KIAA0825: variants seen among roughly 807,000 people sequenced by gnomAD.
KIAA0825 encodes the protein KIAA0825.
In KIAA0825, 119 loss-of-function variants were observed where a neutral mutation model predicts 147.6. The ratio of observed to expected loss-of-function variants is 0.81; its 90% CI spans 0.69 to 0.94. The LOEUF (loss-of-function observed/expected upper bound fraction) is 0.94. Ranked by LOEUF, KIAA0825 falls within the 40% of genes least tolerant of loss-of-function variation. KIAA0825 has a pLI of 0.00. For missense variants in KIAA0825, 1,381 were observed against 1,472.7 expected (o/e 0.94, Z 1.02); for synonymous variants, 470 against 518.1 (o/e 0.91, Z 1.26).
intron 20 of KIAA0825, among the ~76,000 whole-genome samples, chr5:94,249,269 ATATTG>A (rs1336133610): frequency 6.6e-6 from 1 of 152,118 alleles, no homozygotes; most frequent in Non-Finnish European, 1.5e-5. Flanking sequence ...AAAAATGGCT[ATATTG>A]TAAAGTGCAA....
In KIAA0825 at chr5:94,520,793, G is replaced by A. The variant is rs1399710429; in HGVS notation, c.425C>T (p.Ser142Phe). The change falls in exon 5 of 21, where the codon TCT becomes TTT. Residue 142 changes from serine to phenylalanine, a missense_variant. Coordinates refer to ENST00000682413, the MANE Select transcript of KIAA0825 (RefSeq NM_001145678.3). ...TLSGTSFHFL[S>F]RTSLHSVEDN... ...TTCAACAGAATGAAGAGACGTCCTA[G>A]AGAGGAAATGGAAAGATGTTCCACT... 11 of 1,613,110 alleles carry A rather than the reference G, an allele frequency of 6.8e-6. No individual in the cohort carries two copies. Among genetic ancestry groups the A allele is most frequent in the African/African-American group, 1.3e-5 (1 of 74,898 alleles).
At chr5:94,258,597 T>C (rs1186413270) in intron 20 of KIAA0825, among the ~76,000 whole-genome samples, 1 of 151,980 alleles carries the variant, frequency 6.6e-6, no homozygotes, top group African/African-American at 2.4e-5. Flanking sequence ...ACTATAAATA[T>C]AGAAGTAAAT....
At chr5:94,527,483 C>A (rs2151264599) in intron 3 of KIAA0825, among the ~76,000 whole-genome samples, 1 of 151,998 alleles carries the variant, frequency 6.6e-6, no homozygotes, top group South Asian at 2.1e-4. Flanking sequence ...CATATATGTG[C>A]TTTCATGGAA....
At chr5:94,328,194 G>C (rs1429700409) in intron 20 of KIAA0825, among the ~76,000 whole-genome samples, 1 of 151,834 alleles carries the variant, frequency 6.6e-6, no homozygotes, top group Non-Finnish European at 1.5e-5. Context: ...GCATTTAAAG[G>C]CATTTTTATG....
In KIAA0825 at chr5:94,587,694, A is replaced by C. The variant is rs146016602; in HGVS notation, c.-152-5111T>G. ...TTTCTTCACAGAATTGGGAAAAACT[A>C]CTTTAAATTTCATATGGAACCAAAA... is the stretch of plus-strand genomic sequence containing the variant. On this transcript the variant is annotated intron_variant, in intron 1 of 20. Coordinates refer to ENST00000682413, the MANE Select transcript of KIAA0825 (RefSeq NM_001145678.3). 4.3e-3 allele frequency among the ~76,000 whole-genome samples: 657 copies of C among 152,330 alleles called. 16 individuals carry two copies. Among genetic ancestry groups the C allele is most frequent in the Admixed American group, 0.038 (585 of 15,296 alleles).
intron 20 of KIAA0825, among the ~76,000 whole-genome samples, chr5:94,365,840 C>T (rs1401065765): frequency 1.3e-5 from 2 of 152,214 alleles, no homozygotes; most frequent in African/African-American, 2.4e-5. Flanking sequence ...TTAGGAGTCA[C>T]GCAGCTGGAG....
At chr5:94,177,803 G>A (rs1234012099) in intron 20 of KIAA0825, among the ~76,000 whole-genome samples, 1 of 152,072 alleles carries the variant, frequency 6.6e-6, no homozygotes, top group Non-Finnish European at 1.5e-5. Flanking sequence ...AAATATTAGT[G>A]TGTAGAAATA....
intron 20 of KIAA0825, among the ~76,000 whole-genome samples, chr5:94,209,628 T>C (rs926975584): frequency 1.3e-5 from 2 of 152,158 alleles, no homozygotes; most frequent in Non-Finnish European, 2.9e-5. Flanking sequence ...TTCAGTAGGG[T>C]AATGCCTTTC....
At chr5:94,286,867 C>A (rs146776334) in intron 20 of KIAA0825, among the ~76,000 whole-genome samples, 1 of 152,080 alleles carries the variant, frequency 6.6e-6, no homozygotes, top group Non-Finnish European at 1.5e-5. Context: ...GGAATTTGCA[C>A]CCCCACCTCT....
At chr5:94,436,290 T>C (rs1382256514) in intron 14 of KIAA0825, among the ~76,000 whole-genome samples, 2 of 152,212 alleles carry the variant, frequency 1.3e-5, no homozygotes, top group African/African-American at 4.8e-5. Context: ...ATATTTTAAG[T>C]TGATTTCTGT....
intron 7 of KIAA0825, among the ~76,000 whole-genome samples, chr5:94,474,810 A>G (rs1312712580): frequency 1.3e-5 from 2 of 152,186 alleles, no homozygotes; most frequent in African/African-American, 2.4e-5. Flanking sequence ...TTTGCATAAA[A>G]TTCATCAAAA....
chr5:94,301,257 C>A (rs1562358148), intron 20 of KIAA0825, among the ~76,000 whole-genome samples: 1 of 151,972 alleles, frequency 6.6e-6, no homozygotes, highest in East Asian at 1.9e-4. Flanking sequence ...TTAATTTTAT[C>A]CCCATTACAT....
chr5:94,404,707 T>A (rs946693904), intron 15 of KIAA0825, among the ~76,000 whole-genome samples: 4 of 152,218 alleles, frequency 2.6e-5, no homozygotes, highest in Admixed American at 6.5e-5. Flanking sequence ...TTATTAATGA[T>A]TTTTATTATT....
chr5:94,610,314 G>A (rs1225562133), intron 1 of KIAA0825, among the ~76,000 whole-genome samples: 1 of 151,770 alleles, frequency 6.6e-6, no homozygotes, highest in African/African-American at 2.4e-5. Flanking sequence ...CAGCTACTCA[G>A]GAGGCTGAGA....
chr5:94,366,556 A>G (rs1397262779), intron 20 of KIAA0825, among the ~76,000 whole-genome samples: 3 of 152,160 alleles, frequency 2.0e-5, no homozygotes, highest in Non-Finnish European at 2.9e-5. Flanking sequence ...AAAGAGGAGG[A>G]TCAAATAATA....
intron 5 of KIAA0825, among the ~76,000 whole-genome samples, chr5:94,517,669 G>A (rs1767472534): frequency 6.7e-6 from 1 of 148,170 alleles, no homozygotes; most frequent in Non-Finnish European, 1.5e-5. Context: ...ATTTAAATTA[G>A]GATTATTTAA....
chr5:94,260,021 T>C (rs1282033246), intron 20 of KIAA0825, among the ~76,000 whole-genome samples: 8 of 152,100 alleles, frequency 5.3e-5, no homozygotes, highest in Non-Finnish European at 2.9e-5. Flanking sequence ...TGCATGTCCA[T>C]AGATATAAAA....
At chr5:94,548,511 C>T (rs574969094) in intron 2 of KIAA0825, among the ~76,000 whole-genome samples, 5 of 152,132 alleles carry the variant, frequency 3.3e-5, no homozygotes, top group African/African-American at 9.6e-5. Flanking sequence ...GAAGAGATAA[C>T]CACAAAACAA....
intron 2 of KIAA0825, among the ~76,000 whole-genome samples, chr5:94,541,564 G>A (rs559122816): frequency 6.6e-6 from 1 of 152,344 alleles, no homozygotes; most frequent in East Asian, 1.9e-4. Context: ...GTGTGAACAT[G>A]TTGGCTAAAG....
Sources: allele counts gnomAD v4.1 joint callset (sites outside exome capture counted in the v4.1 genomes callset), GRCh38; gene constraint gnomAD v4.1.1; transcripts MANE v1.5; gene names NCBI Gene and HGNC (gene_info 2026-07-23, HGNC 2026-07-21).